PCDHGB4: variants seen among roughly 807,000 people sequenced by gnomAD.
PCDHGB4 encodes the protein protocadherin gamma subfamily B, 4, also known as protocadherin gamma-B4.
Under a neutral mutation model 60.5 loss-of-function variants are expected in PCDHGB4, and 38 were observed. That is an observed-to-expected ratio of 0.63 (90% CI 0.48 to 0.82). PCDHGB4 has a LOEUF of 0.82. PCDHGB4 is among the 40% of genes least tolerant of loss of function. The probability of loss-of-function intolerance (pLI) is 0.00; values close to 1 mark genes in which losing one functional copy is unlikely to be tolerated. For missense variants in PCDHGB4, 1,109 were observed against 1,209.6 expected (o/e 0.92, Z 1.23); for synonymous variants, 456 against 509.7 (o/e 0.89, Z 1.42).
intron 1 of PCDHGB4, 91 bp from the exon 2 acceptor site, chr5:141,494,716 C>T (rs1448674271): frequency 3.7e-6 from 6 of 1,604,970 alleles, no homozygotes; most frequent in East Asian, 4.5e-5. Flanking sequence ...TGCCCACTCC[C>T]CTCCTTCTCT....
Position 141,389,500 on chromosome 5 carries a change from C to A in PCDHGB4, c.1616C>A (p.Ala539Glu). 1 of 1,613,056 alleles carries A rather than the reference C, an allele frequency of 6.2e-7. No homozygotes were observed. Among genetic ancestry groups the A allele is most frequent in the Non-Finnish European group, 8.5e-7 (1 of 1,179,746 alleles). The change falls in exon 1 of 4, where the codon GCG becomes GAG. Residue 539 changes from alanine (A) to glutamate (E), a missense_variant. Physicochemically the swap from Ala to Glu is moderately radical, Grantham distance 107. This residue lies in a region of PCDHGB4 where 1,068 missense variants were observed against 1,089.9 expected (regional missense o/e 0.98). Coordinates refer to ENST00000519479, the MANE Select transcript of PCDHGB4 (RefSeq NM_003736.4). ...TLQARDQGSP[A>E]LSANVSLRVL... ...CAGGCCCGCGACCAGGGCTCGCCAG[C>A]GCTCAGCGCGAACGTGAGCCTGCGC...
chr5:141,404,071 C>T, intron 1 of PCDHGB4: 2 of 1,613,734 alleles, frequency 1.2e-6, no homozygotes, highest in Non-Finnish European at 1.7e-6. Context: ...ATGCTCATGA[C>T]CGAGACTCCG....
At chr5:141,394,186 C>T (rs1412149852) in intron 1 of PCDHGB4, 7 of 1,613,792 alleles carry the variant, frequency 4.3e-6, no homozygotes, top group South Asian at 1.1e-5. Context: ...GCCTCCTACT[C>T]AGCGTATATC....
intron 2 of PCDHGB4, 47 bp from the exon 3 acceptor site, chr5:141,505,346 C>G: frequency 4.3e-6 from 7 of 1,612,970 alleles, no homozygotes; most frequent in Non-Finnish European, 5.9e-6. Context: ...GGGGCATGAG[C>G]TGTGCCGGCC....
intron 1 of PCDHGB4, chr5:141,418,621 C>T: frequency 6.2e-7 from 1 of 1,614,034 alleles, no homozygotes; most frequent in Non-Finnish European, 8.5e-7. Flanking sequence ...TTCGGGAAGA[C>T]GTGCCTCCAG....
At position 141,491,910 on chromosome 5, in the gene PCDHGB4, G is replaced by T. The variant is rs946745903; in HGVS notation, c.2398-2897G>T. On this transcript the variant is annotated intron_variant, in intron 1 of 3. Coordinates refer to ENST00000519479, the MANE Select transcript of PCDHGB4 (RefSeq NM_003736.4). This position sits in a 1 kb window ranked among gnomAD's most constrained non-coding sequence, Gnocchi z 6.9. ...GGCTCCGAGCACCGGGGGTGGTGGC[G>T]ACTGTGGGCGAGGGGAGGTGGGACC... 3.6e-6 allele frequency: 5 copies of T among 1,406,946 alleles called. No individual in the cohort carries two copies. Among genetic ancestry groups the T allele is most frequent in the Non-Finnish European group, 4.7e-6 (5 of 1,059,702 alleles). 87.2% of individuals were successfully genotyped at this position (1,406,946 alleles called of 1,614,324 possible).
chr5:141,477,845 G>A lies in PCDHGB4; in HGVS notation c.2398-16962G>A, dbSNP rs1164464559. On this transcript the variant is annotated intron_variant, in intron 1 of 3. Transcript: ENST00000519479. This position sits in a 1 kb window ranked among gnomAD's most constrained non-coding sequence, Gnocchi z 4.9. ...ATATCCTCGGCCAGGTGGGAGCTCGGTGGAGATGCTGCCTCGAGGTACCTC... is the reference window on the plus strand; with the variant it reads ...ATATCCTCGGCCAGGTGGGAGCTCGATGGAGATGCTGCCTCGAGGTACCTC... 11 of 1,614,040 alleles carry A rather than the reference G, an allele frequency of 6.8e-6. No individual in the cohort carries two copies. The highest frequency in any genetic ancestry group is 9.3e-6 in the Non-Finnish European group (11 of 1,180,036).
chr5:141,465,257 T>C (rs968727090), intron 1 of PCDHGB4, among the ~76,000 whole-genome samples: 19 of 152,310 alleles, frequency 1.2e-4, no homozygotes, highest in Admixed American at 1.2e-3. Flanking sequence ...TTGTAAGCAA[T>C]GATACTAGCC....
At chr5:141,481,282 T>C (rs2099534931) in intron 1 of PCDHGB4, among the ~76,000 whole-genome samples, 1 of 152,148 alleles carries the variant, frequency 6.6e-6, no homozygotes, top group African/African-American at 2.4e-5. Flanking sequence ...CATAAAATGG[T>C]ATTTCAGTCA....
chr5:141,415,077 A>C, intron 1 of PCDHGB4: 2 of 1,613,468 alleles, frequency 1.2e-6, no homozygotes, highest in Non-Finnish European at 1.7e-6. Flanking sequence ...GCACGGCGCG[A>C]GCCCTGCTGG....
At position 141,511,181 on chromosome 5, in the gene PCDHGB4, G is replaced by A. The variant is rs1301391138; in HGVS notation, c.*8G>A. On this transcript the variant is annotated 3_prime_UTR_variant, in exon 4 of 4. Transcript: ENST00000519479. Reference sequence around the variant, plus strand: ...AAGAAGGAGAAGAAGTAACATGGAGGCCAGGCCAAGAGCCACAGGGCGGCC... The same window carrying A: ...AAGAAGGAGAAGAAGTAACATGGAGACCAGGCCAAGAGCCACAGGGCGGCC... 6.2e-7 allele frequency: 1 copy of A among 1,614,016 alleles called. No homozygotes were observed. The highest frequency in any genetic ancestry group is 1.7e-5 in the Admixed American group (1 of 60,016).
At position 141,403,043 on chromosome 5, in the gene PCDHGB4, A is replaced by C. The variant is rs779412498; in HGVS notation, c.2397+12762A>C. On this transcript the variant is annotated intron_variant, in intron 1 of 3. Coordinates refer to ENST00000519479, the MANE Select transcript of PCDHGB4 (RefSeq NM_003736.4). ...GCTATGGGAGGCCAGGGCCAGTCAG[A>C]TTCGCTACTCAGTGCCTGAAGAGAC... 21 of 1,614,070 alleles carry C rather than the reference A, an allele frequency of 1.3e-5. No homozygotes were observed. In the South Asian group the frequency reaches 2.3e-4, roughly 18 times the overall value.
chr5:141,442,485 G>A (rs1000683527), intron 1 of PCDHGB4: 2 of 152,248 alleles, frequency 1.3e-5, no homozygotes, highest in Non-Finnish European at 2.9e-5. Flanking sequence ...TGGGGAAGGG[G>A]ATGATTGTGA....
rs1410460145 is a variant in PCDHGB4 at position 141,490,798 on chromosome 5, C to T, written c.2398-4009C>T. On this transcript the variant is annotated intron_variant, in intron 1 of 3. Coordinates refer to ENST00000519479, the MANE Select transcript of PCDHGB4 (RefSeq NM_003736.4). The surrounding 1 kb of genome is among the most constrained non-coding windows in gnomAD (Gnocchi z 5.4). The stretch of plus-strand genomic sequence containing the variant: ...AGAGGATGGACGGATCTTTGCCCAG[C>T]GTACCTTTGACTATGAATTGCTGCA... 9.3e-6 allele frequency: 15 copies of T among 1,613,808 alleles called. No individual in the cohort carries two copies. Among genetic ancestry groups the T allele is most frequent in the Admixed American group, 6.7e-5 (4 of 60,002 alleles).
intron 1 of PCDHGB4, among the ~76,000 whole-genome samples, chr5:141,436,328 A>G (rs146180035): frequency 6.6e-6 from 1 of 152,326 alleles, no homozygotes; most frequent in East Asian, 1.9e-4. Flanking sequence ...CTGTTAGACC[A>G]TATCTCAAAT....
chr5:141,500,484 C>T (rs2099800696), intron 2 of PCDHGB4, among the ~76,000 whole-genome samples: 1 of 152,304 alleles, frequency 6.6e-6, no homozygotes, highest in Non-Finnish European at 1.5e-5. Context: ...GCTGGGATTA[C>T]AGGCGTGAGC....
At position 141,431,280 on chromosome 5, in the gene PCDHGB4, C is replaced by G; in HGVS notation, c.2397+40999C>G. ...TCTCTGCAGAGCTACGAGCTCAGCC[C>G]GAACACTCACTTCTCCCTCATCGTG... On this transcript the variant is annotated intron_variant, in intron 1 of 3. Transcript: ENST00000519479. This position sits in a 1 kb window ranked among gnomAD's most constrained non-coding sequence, Gnocchi z 4.8. The G allele has an allele frequency of 6.2e-7, 1 of 1,614,146 alleles. No homozygotes were observed. The highest frequency in any genetic ancestry group is 8.5e-7 in the Non-Finnish European group (1 of 1,180,040).
At chr5:141,405,251 C>T (rs1462013657) in intron 1 of PCDHGB4, 1 of 1,614,124 alleles carries the variant, frequency 6.2e-7, no homozygotes, top group Admixed American at 1.7e-5. Context: ...AAGGAAGAGT[C>T]ACCTGATCTT....
At chr5:141,405,206 A>G in intron 1 of PCDHGB4, 1 of 1,613,648 alleles carries the variant, frequency 6.2e-7, no homozygotes, top group Non-Finnish European at 8.5e-7. Flanking sequence ...TTTCCTACAG[A>G]CCTATTCTCA....
Sources: allele counts gnomAD v4.1 joint callset (sites outside exome capture counted in the v4.1 genomes callset), GRCh38; gene constraint gnomAD v4.1.1; regional missense constraint gnomAD v4.1.1; non-coding constraint Gnocchi (gnomAD v3.1); transcripts MANE v1.5; gene names NCBI Gene and HGNC (gene_info 2026-07-23, HGNC 2026-07-21).